DTNA: variants seen among roughly 807,000 people sequenced by gnomAD.
DTNA encodes the protein dystrophin-related protein 3.
Under a neutral mutation model 100.7 loss-of-function variants are expected in DTNA, and 43 were observed. That is an observed-to-expected ratio of 0.43 (90% CI 0.33 to 0.55). The LOEUF (loss-of-function observed/expected upper bound fraction) is 0.55, where lower values mean the gene tolerates loss of function less well. Among genes scored for constraint, DTNA ranks in the 20% least tolerant of loss-of-function variants. The pLI, the probability that DTNA is intolerant of heterozygous loss-of-function variation, is 0.04. For missense variants in DTNA, 798 were observed against 953.9 expected (o/e 0.84, Z 2.15); for synonymous variants, 349 against 347.9 (o/e 1.00, Z -0.04).
At chr18:34,869,750 G>A (rs772847765) in intron 17 of DTNA, among the ~76,000 whole-genome samples, 2 of 152,182 alleles carry the variant, frequency 1.3e-5, no homozygotes, top group African/African-American at 4.8e-5. Context: ...GGCCGTGCAC[G>A]GTGGCTCACG....
At chr18:34,768,417 T>C (rs929306269) in intron 3 of DTNA, among the ~76,000 whole-genome samples, 1 of 143,816 alleles carries the variant, frequency 7.0e-6, no homozygotes, top group Non-Finnish European at 1.5e-5. Flanking sequence ...GCACTCAACA[T>C]TAAGGTGGAC....
rs186967563 is a variant in DTNA, at chr18:34,587,267, G to A, written c.-2+93753G>A. Among the ~76,000 whole-genome samples, 76 of 152,134 alleles carry A rather than the reference G, an allele frequency of 5.0e-4. No individual in the cohort carries two copies. In the East Asian group the frequency reaches 0.014, roughly 28 times the overall value. ...GCATGTTATATTGGTTGTTACTGGG[G>A]CTTTATAACCACTTAAAGACAAAAC... On this transcript the variant is annotated intron_variant, in intron 1 of 19. Coordinates refer to the DTNA transcript ENST00000283365.
intron 1 of DTNA, among the ~76,000 whole-genome samples, chr18:34,557,007 C>G (rs1187361504): frequency 2.0e-5 from 3 of 149,692 alleles, no homozygotes; most frequent in Admixed American, 1.3e-4. Context: ...TTCAGGTACA[C>G]CAATCAGACG....
intron 2 of DTNA, among the ~76,000 whole-genome samples, chr18:34,764,726 G>T (rs945605726): frequency 6.6e-6 from 1 of 152,170 alleles, no homozygotes; most frequent in African/African-American, 2.4e-5. Context: ...TTAATTGGCC[G>T]TCTAATATAA....
intron 1 of DTNA, among the ~76,000 whole-genome samples, chr18:34,567,452 AG>A (rs2047182939): frequency 6.6e-6 from 1 of 152,198 alleles, no homozygotes; most frequent in South Asian, 2.1e-4. Context: ...GAGATTATGA[AG>A]GAAGTCATTT....
chr18:34,629,870 T>A (rs1194720466), intron 1 of DTNA, among the ~76,000 whole-genome samples: 1 of 152,142 alleles, frequency 6.6e-6, no homozygotes, highest in Non-Finnish European at 1.5e-5. Flanking sequence ...TGAGCATCTC[T>A]CCTCTCCTGG....
chr18:34,829,305 A>G (rs1266464826), intron 10 of DTNA, 95 bp from the exon 11 acceptor site: 7 of 1,524,156 alleles, frequency 4.6e-6, no homozygotes, highest in Non-Finnish European at 6.1e-6. Context: ...GTGCTGTTCA[A>G]TAAAGCTGTG....
intron 14 of DTNA, among the ~76,000 whole-genome samples, chr18:34,850,676 A>T (rs1017000301): frequency 1.3e-5 from 2 of 152,224 alleles, no homozygotes; most frequent in African/African-American, 4.8e-5. Context: ...ATTTGTTTTT[A>T]AAACAATAAA....
chr18:34,642,722 C>G (rs917969138), intron 1 of DTNA, among the ~76,000 whole-genome samples: 3 of 151,964 alleles, frequency 2.0e-5, no homozygotes, highest in African/African-American at 7.3e-5. Flanking sequence ...CCACGCCCAG[C>G]TAATTTTTGT....
intron 16 of DTNA, among the ~76,000 whole-genome samples, chr18:34,859,923 TGTATTTA>T (rs1456977454): frequency 6.6e-6 from 1 of 152,166 alleles, no homozygotes; most frequent in African/African-American, 2.4e-5. Context: ...GGTATTCCAG[TGTATTTA>T]TGTGGCAAAC....
chr18:34,641,618 A>G (rs1214685653), intron 1 of DTNA, among the ~76,000 whole-genome samples: 1 of 152,210 alleles, frequency 6.6e-6, no homozygotes, highest in Non-Finnish European at 1.5e-5. Context: ...TCTTTTCTGG[A>G]GGAGTTCCTC....
At chr18:34,618,579 T>G (rs1439833714) in intron 1 of DTNA, among the ~76,000 whole-genome samples, 2 of 152,164 alleles carry the variant, frequency 1.3e-5, no homozygotes, top group South Asian at 2.1e-4. Flanking sequence ...ATGTCATTTT[T>G]GGGGGATTAT....
At chr18:34,845,371 G>A (rs921221446) in intron 13 of DTNA, among the ~76,000 whole-genome samples, 6 of 151,988 alleles carry the variant, frequency 3.9e-5, no homozygotes, top group African/African-American at 1.5e-4. Context: ...ATTTCCAGGA[G>A]GCTTTTTAAA....
intron 1 of DTNA, among the ~76,000 whole-genome samples, chr18:34,704,405 T>A (rs548534545): frequency 6.6e-6 from 1 of 152,176 alleles, no homozygotes; most frequent in Non-Finnish European, 1.5e-5. Flanking sequence ...GTATTCCAAG[T>A]CCCTGAATAC....
rs947612473 is a variant in DTNA at position 34,862,597 on chromosome 18, A to G, written c.1647-1369A>G. On this transcript the variant is annotated intron_variant, in intron 16 of 22. Transcript: ENST00000444659. ...GAGGAGCTCTTGTAGCCAGGAGTTC[A>G]AGACAAGCCTGGGCAACATAGTGAG... is the stretch of plus-strand genomic sequence containing the variant. 2.0e-5 allele frequency among the ~76,000 whole-genome samples: 3 copies of G among 152,190 alleles called. No homozygotes were observed. The East Asian group carries it at 5.8e-4, about 29-fold the overall frequency.
chr18:34,591,180 C>T (rs900337717), intron 1 of DTNA, among the ~76,000 whole-genome samples: 4 of 151,508 alleles, frequency 2.6e-5, no homozygotes, highest in South Asian at 2.1e-4. Context: ...ATATTTGCCA[C>T]GTTAATATTT....
At chr18:34,545,659 A>C (rs1185452628) in intron 1 of DTNA, among the ~76,000 whole-genome samples, 1 of 152,072 alleles carries the variant, frequency 6.6e-6, no homozygotes, top group East Asian at 1.9e-4. Context: ...CAGATATGCA[A>C]GTTTGGATTT....
chr18:34,887,054 G>A (rs956043210), intron 22 of DTNA, among the ~76,000 whole-genome samples: 5 of 152,130 alleles, frequency 3.3e-5, no homozygotes, highest in African/African-American at 1.2e-4. Context: ...TTAGCCATCC[G>A]CCAAGGCAGA....
chr18:34,657,658 A>G (rs2074586450), intron 1 of DTNA, among the ~76,000 whole-genome samples: 1 of 152,212 alleles, frequency 6.6e-6, no homozygotes, highest in East Asian at 1.9e-4. Flanking sequence ...CATTTAGACA[A>G]GGAAGACTAC....
Sources: gnomAD v4.1 joint callset for allele counts (sites outside exome capture counted in the v4.1 genomes callset) on GRCh38, gnomAD v4.1.1 for gene constraint, MANE v1.5 for transcripts, NCBI Gene and HGNC (gene_info 2026-07-23, HGNC 2026-07-21) for gene names.